The following IL1RAPL2 variants were observed in gnomAD, a reference collection of about 807,000 sequenced individuals.
IL1RAPL2 encodes interleukin 1 receptor accessory protein like 2.
A neutral mutation model predicts 44.1 loss-of-function variants in IL1RAPL2; 3 were observed. That is an observed-to-expected ratio of 0.07 (90% CI 0.03 to 0.18). The LOEUF is 0.18. IL1RAPL2 is among the 10% of genes least tolerant of loss of function. The probability of loss-of-function intolerance (pLI) is 1.00; values close to 1 mark genes in which losing one functional copy is unlikely to be tolerated. For synonymous variants in IL1RAPL2, 181 were observed against 178.8 expected, an observed-to-expected ratio of 1.01 and a Z score of -0.10; for missense variants, 391 against 496.4, an observed-to-expected ratio of 0.79 and a Z score of 2.02.
intron 2 of IL1RAPL2, among the ~76,000 whole-genome samples, chrX:104,818,812 C>A (rs1314708182): frequency 9.3e-6 from 1 of 107,314 alleles, no homozygotes; most frequent in Non-Finnish European, 1.9e-5. Flanking sequence ...TAGAGACATA[C>A]ACTAGAAAAG....
intron 6 of IL1RAPL2, among the ~76,000 whole-genome samples, chrX:105,715,468 C>A (rs1183967582): frequency 9.0e-6 from 1 of 111,722 alleles, no homozygotes; most frequent in Non-Finnish European, 1.9e-5. Flanking sequence ...AAGATCACCT[C>A]TTGTTCTAAC....
rs143789082 is a variant in IL1RAPL2 at position 105,267,935 on chromosome X, C to G, written c.697+394C>G. ...ATCTGTTAGATTTTTGGAATGAAAT[C>G]TTCTTAGACTGCATCCAAAATATCA... On this transcript the variant is annotated intron_variant, in intron 5 of 10. Coordinates refer to ENST00000372582, the MANE Select transcript of IL1RAPL2 (RefSeq NM_017416.2). Among the ~76,000 whole-genome samples the G allele has an allele frequency of 1.4e-4, 16 of 111,651 alleles. No individual in the cohort carries two copies. In the East Asian group the frequency reaches 4.2e-3, roughly 30 times the overall value.
At chrX:105,415,231 T>C (rs2035724758) in intron 5 of IL1RAPL2, among the ~76,000 whole-genome samples, 1 of 112,013 alleles carries the variant, frequency 8.9e-6, no homozygotes, top group Admixed American at 9.4e-5. Flanking sequence ...CGGGTTCCCT[T>C]CTCTAAGGCA....
chrX:105,751,675 G>A (rs780211358), intron 9 of IL1RAPL2, among the ~76,000 whole-genome samples: 13 of 111,615 alleles, frequency 1.2e-4, no homozygotes, highest in Non-Finnish European at 2.4e-4. Flanking sequence ...TTTTCATTAG[G>A]AAGGATGGTT....
Position 104,582,578 on chromosome X carries a change from T to C in IL1RAPL2, c.-20+15527T>C, listed in dbSNP as rs189821597. 9.3e-3 allele frequency among the ~76,000 whole-genome samples: 557 copies of C among 59,835 alleles called. 7 individuals carry two copies. Among genetic ancestry groups the C allele is most frequent in the African/African-American group, 0.03 (523 of 17,473 alleles). The allele number at this position is 59,835 out of a possible 115,157, so 52.0% of individuals were successfully genotyped here. On this transcript the variant is annotated intron_variant, in intron 1 of 10. Transcript: ENST00000372582. ...TTCCTCCTTTCTCCTCTTTCTTTCTTTTTCTTTCTTTCTTTCTTTTTCTTT... is the reference window on the plus strand; with the variant it reads ...TTCCTCCTTTCTCCTCTTTCTTTCTCTTTCTTTCTTTCTTTCTTTTTCTTT...
At chrX:104,595,340 G>A (rs1177894936) in intron 1 of IL1RAPL2, among the ~76,000 whole-genome samples, 1 of 111,399 alleles carries the variant, frequency 9.0e-6, no homozygotes, top group African/African-American at 3.3e-5. Context: ...AGGGTTTATG[G>A]CGGGGTGCAG....
chrX:104,923,490 C>A (rs1440016730), intron 2 of IL1RAPL2, among the ~76,000 whole-genome samples: 4 of 112,034 alleles, frequency 3.6e-5, no homozygotes, highest in Non-Finnish European at 7.5e-5. Flanking sequence ...CAGAAGCGAT[C>A]AGGGGCCTAT....
chrX:105,660,173 T>A (rs771563588), intron 6 of IL1RAPL2, among the ~76,000 whole-genome samples: 78 of 111,318 alleles, frequency 7.0e-4, no homozygotes, highest in Non-Finnish European at 1.2e-3. Flanking sequence ...CAGTATGTTC[T>A]GGAATCAGAT....
At chrX:104,901,763 C>A (rs1448415562) in intron 2 of IL1RAPL2, among the ~76,000 whole-genome samples, 2 of 111,567 alleles carry the variant, frequency 1.8e-5, no homozygotes. Context: ...AGTAAATAAA[C>A]CTCTATGCAC....
intron 6 of IL1RAPL2, among the ~76,000 whole-genome samples, chrX:105,537,426 C>T (rs2036686097): frequency 8.9e-6 from 1 of 111,827 alleles, no homozygotes; most frequent in Admixed American, 9.5e-5. Flanking sequence ...GAATGAAACA[C>T]TACCCAGTAA....
chrX:105,650,226 A>G (rs1260580083), intron 6 of IL1RAPL2, among the ~76,000 whole-genome samples: 1 of 111,485 alleles, frequency 9.0e-6, no homozygotes, highest in African/African-American at 3.3e-5. Context: ...CAGTTATGAC[A>G]ACCAAAAATG....
chrX:104,896,871 T>C (rs1254506657), intron 2 of IL1RAPL2, among the ~76,000 whole-genome samples: 1 of 111,103 alleles, frequency 9.0e-6, no homozygotes, highest in Non-Finnish European at 1.9e-5. Context: ...ACAAACCCAC[T>C]GAGAGGAATA....
intron 6 of IL1RAPL2, among the ~76,000 whole-genome samples, chrX:105,620,033 T>C (rs1024272800): frequency 3.6e-5 from 4 of 110,856 alleles, no homozygotes; most frequent in African/African-American, 1.3e-4. Flanking sequence ...TCTTTGTCAC[T>C]TAGTTATGGA....
intron 2 of IL1RAPL2, among the ~76,000 whole-genome samples, chrX:104,713,741 G>A (rs977305943): frequency 7.2e-5 from 8 of 110,743 alleles, no homozygotes; most frequent in Non-Finnish European, 1.5e-4. Context: ...TGAGAGTCCA[G>A]GTTGCTTTCC....
rs187043332 is a variant in IL1RAPL2 at position 105,671,916 on chromosome X, T to A, written c.773-45451T>A. On this transcript the variant is annotated intron_variant, in intron 6 of 10. Transcript: ENST00000372582. ...TTTCAGTTCGATGGTTTATTTCATC[T>A]ATCCCCTCCATTCTGTTTTTGAGCC... is the stretch of plus-strand genomic sequence containing the variant. 4.6e-3 allele frequency among the ~76,000 whole-genome samples: 508 copies of A among 111,512 alleles called. 1 individual carries two copies. Among genetic ancestry groups the A allele is most frequent in the African/African-American group, 0.015 (473 of 30,662 alleles).
chrX:104,905,244 T>A (rs1923952056), intron 2 of IL1RAPL2, among the ~76,000 whole-genome samples: 2 of 111,656 alleles, frequency 1.8e-5, no homozygotes, highest in African/African-American at 3.3e-5. Flanking sequence ...TTTCTCCCAT[T>A]TTGTAGGTTT....
At chrX:104,696,051 G>A (rs753591821) in intron 2 of IL1RAPL2, among the ~76,000 whole-genome samples, 5 of 111,357 alleles carry the variant, frequency 4.5e-5, no homozygotes, top group Non-Finnish European at 9.4e-5. Context: ...CAAGTGATCC[G>A]CCCTTCTCAG....
At chrX:105,067,797 G>A (rs1010308667) in intron 2 of IL1RAPL2, among the ~76,000 whole-genome samples, 3 of 109,133 alleles carry the variant, frequency 2.7e-5, no homozygotes, top group African/African-American at 7.0e-5. Context: ...ACACACACGC[G>A]CGCATGCATG....
At chrX:105,129,191 T>G (rs2033004335) in intron 2 of IL1RAPL2, among the ~76,000 whole-genome samples, 1 of 110,701 alleles carries the variant, frequency 9.0e-6, no homozygotes, top group Admixed American at 9.6e-5. Flanking sequence ...TTCCAGAGGC[T>G]GAGAAGTCCA....
Sources: allele counts gnomAD v4.1 joint callset (sites outside exome capture counted in the v4.1 genomes callset), GRCh38; gene constraint gnomAD v4.1.1; transcripts MANE v1.5; gene names NCBI Gene and HGNC (gene_info 2026-07-23, HGNC 2026-07-21).